Variants in PTPN22 observed in about 807,000 individuals in gnomAD.
PTPN22 encodes protein tyrosine phosphatase non-receptor type 22.
Under a neutral mutation model 103.3 loss-of-function variants are expected in PTPN22, and 85 were observed. The ratio of observed to expected loss-of-function variants is 0.82; its 90% CI spans 0.69 to 0.99. The LOEUF is 0.99. Ranked by LOEUF, PTPN22 falls within the 50% of genes least tolerant of loss-of-function variation. PTPN22 has a pLI of 0.00. For synonymous variants in PTPN22, 323 were observed against 310.2 expected, an observed-to-expected ratio of 1.04 and a Z score of -0.43; for missense variants, 865 against 936.9, an observed-to-expected ratio of 0.92 and a Z score of 1.00.
intron 3 of PTPN22, among the ~76,000 whole-genome samples, chr1:113,858,780 C>T (rs1336190105): frequency 6.6e-6 from 1 of 151,998 alleles, no homozygotes; most frequent in South Asian, 2.1e-4. Context: ...GCTGGGACTA[C>T]AAGCGCATGC....
intron 10 of PTPN22, among the ~76,000 whole-genome samples, chr1:113,850,238 AAGGAAGGAAGG>A (rs1385368146): frequency 6.0e-5 from 9 of 149,550 alleles, no homozygotes; most frequent in African/African-American, 2.0e-4. Context: ...GGAAGGAAGG[AAGGAAGGAAGG>A]AAGGAAGGAA....
At chr1:113,850,265 G>GA (rs1264338558) in intron 10 of PTPN22, among the ~76,000 whole-genome samples, 1 of 147,978 alleles carries the variant, frequency 6.8e-6, no homozygotes, top group African/African-American at 2.6e-5. Flanking sequence ...AGGAAGGAAG[G>GA]AAGGAAGGAA....
intron 1 of PTPN22, among the ~76,000 whole-genome samples, chr1:113,867,977 C>T (rs111661166): frequency 2.8e-3 from 426 of 152,294 alleles, no homozygotes; most frequent in African/African-American, 9.8e-3. Context: ...TACATGACCT[C>T]TTGTATATTT....
At position 113,830,026 on chromosome 1, in the gene PTPN22, A is replaced by G. The variant is rs771396787; in HGVS notation, c.2057T>C (p.Leu686Pro). The G allele has an allele frequency of 1.3e-6, 2 of 1,592,072 alleles. No individual in the cohort carries two copies. The highest frequency in any genetic ancestry group is 1.7e-6 in the Non-Finnish European group (2 of 1,161,472). Residue 686 changes from leucine (L) to proline (P), a missense_variant, in exon 17 of 21, where the codon CTA becomes CCA. Coordinates refer to ENST00000359785, the Ensembl canonical transcript of PTPN22. ...TGGGGGAGAAGAACGATCTTGATGTAGTTCTGTGATAAGAAAGTATACAAT... is the reference window on the plus strand; with the variant it reads ...TGGGGGAGAAGAACGATCTTGATGTGGTTCTGTGATAAGAAAGTATACAAT...
exon 18 of PTPN22, chr1:113,829,688 T>C (rs1662383301): frequency 6.3e-7 from 1 of 1,595,092 alleles, no homozygotes; most frequent in Non-Finnish European, 8.5e-7. Flanking sequence ...AATATGTTTC[T>C]ATAGATTGGG....
intron 8 of PTPN22, 29 bp downstream of exon 8, chr1:113,854,878 G>A: frequency 1.2e-6 from 2 of 1,602,358 alleles, no homozygotes; most frequent in Non-Finnish European, 1.7e-6. Flanking sequence ...GGTTCATTTT[G>A]GGTAGAAGGT....
At chr1:113,825,241 T>A in intron 18 of PTPN22, 69 bp from the exon 19 acceptor site, 1 of 979,008 alleles carries the variant, frequency 1.0e-6, no homozygotes, top group Non-Finnish European at 1.5e-6. Flanking sequence ...CAAATAGAAA[T>A]ATAGACTTAA....
intron 9 of PTPN22, among the ~76,000 whole-genome samples, chr1:113,853,100 G>A (rs548137341): frequency 1.4e-4 from 22 of 151,966 alleles, no homozygotes; most frequent in Non-Finnish European, 2.4e-4. Flanking sequence ...CACCAGGCCC[G>A]GCTAATTTTG....
At chr1:113,839,231 T>C (rs566403881) in intron 11 of PTPN22, among the ~76,000 whole-genome samples, 7 of 152,260 alleles carry the variant, frequency 4.6e-5, no homozygotes, top group African/African-American at 1.7e-4. Flanking sequence ...TTTCTTCCCC[T>C]GTCCAGCCAT....
At chr1:113,829,849 G>C (rs1273188496) in intron 17 of PTPN22, 100 bp downstream of exon 17, 5 of 1,267,024 alleles carry the variant, frequency 3.9e-6, no homozygotes, top group Non-Finnish European at 5.6e-6. Context: ...ATTCTTTTGT[G>C]TAATCATTTT....
intron 13 of PTPN22, 98 bp from the exon 14 acceptor site, chr1:113,835,091 A>G: frequency 3.1e-6 from 2 of 652,776 alleles, no homozygotes; most frequent in Non-Finnish European, 4.5e-6. Context: ...ACCATAATTT[A>G]TATTTAAATT....
At chr1:113,849,440 T>G (rs1002222570) in intron 10 of PTPN22, among the ~76,000 whole-genome samples, 5 of 151,366 alleles carry the variant, frequency 3.3e-5, no homozygotes, top group African/African-American at 1.2e-4. Context: ...GGGTTTTACC[T>G]GAAAGGGCCT....
At chr1:113,820,181 C>T (rs920810675) in intron 19 of PTPN22, among the ~76,000 whole-genome samples, 2 of 152,028 alleles carry the variant, frequency 1.3e-5, no homozygotes, top group Non-Finnish European at 1.5e-5. Flanking sequence ...TAACCGGGCA[C>T]GGTGACTCAC....
At chr1:113,822,912 T>C (rs1305396433) in intron 19 of PTPN22, among the ~76,000 whole-genome samples, 1 of 152,160 alleles carries the variant, frequency 6.6e-6, no homozygotes, top group Non-Finnish European at 1.5e-5. Flanking sequence ...TGAGCCGAGA[T>C]CGCATCATTT....
chr1:113,819,364 C>T lies in PTPN22; in HGVS notation c.2359+213G>A, dbSNP rs1024897352. 11 of 293,762 alleles carry T rather than the reference C, an allele frequency of 3.7e-5. No homozygotes were observed. The East Asian group carries it at 5.5e-4, about 15-fold the overall frequency. 18.2% of individuals were successfully genotyped at this position (293,762 alleles called of 1,614,324 possible). On this transcript the variant is annotated intron_variant, in intron 20 of 20. Coordinates refer to ENST00000359785, the Ensembl canonical transcript of PTPN22. ...CCAACACAATAATTTGGTTACCTAG[C>T]TTTATTTTCCACATATACTAGATAA...
chr1:113,816,424 G>GAA (rs71590579), intron 20 of PTPN22, among the ~76,000 whole-genome samples: 8 of 125,792 alleles, frequency 6.4e-5, no homozygotes, highest in Admixed American at 7.7e-5. Context: ...CTGCAGAGGG[G>GAA]AAAAAAAAAA....
chr1:113,869,217 C>A (rs1189012061), intron 1 of PTPN22, among the ~76,000 whole-genome samples: 1 of 151,666 alleles, frequency 6.6e-6, no homozygotes, highest in Non-Finnish European at 1.5e-5. Context: ...ACTTTGTCGC[C>A]CCCAAAAAAA....
chr1:113,867,853 C>T (rs1035187821), intron 1 of PTPN22, among the ~76,000 whole-genome samples: 6 of 152,214 alleles, frequency 3.9e-5, no homozygotes, highest in African/African-American at 1.4e-4. Context: ...ATTATGAATA[C>T]AGTCCTCTCA....
chr1:113,821,665 C>T (rs977355335), intron 19 of PTPN22, among the ~76,000 whole-genome samples: 5 of 152,188 alleles, frequency 3.3e-5, no homozygotes, highest in African/African-American at 1.2e-4. Context: ...TTCATTCCCT[C>T]TTCTGATAAT....
Sources: allele counts gnomAD v4.1 joint callset (sites outside exome capture counted in the v4.1 genomes callset), GRCh38; gene constraint gnomAD v4.1.1; transcripts MANE v1.5; gene names NCBI Gene and HGNC (gene_info 2026-07-23, HGNC 2026-07-21).